The following ITSN1 variants were observed in gnomAD, a reference collection of about 807,000 sequenced individuals.
The protein encoded by ITSN1 is intersectin 1.
In ITSN1, 58 loss-of-function variants were observed where a neutral mutation model predicts 239.8. The ratio of observed to expected loss-of-function variants is 0.24; its 90% CI spans 0.20 to 0.30. ITSN1 has a LOEUF of 0.30. Among genes scored for constraint, ITSN1 ranks in the 10% least tolerant of loss-of-function variants. The pLI is 1.00. For missense variants in ITSN1, 1,558 were observed against 2,103.3 expected (o/e 0.74, Z 5.07); for synonymous variants, 780 against 770.8 (o/e 1.01, Z -0.20).
chr21:33,726,540 G>A (rs1273856667), intron 4 of ITSN1, among the ~76,000 whole-genome samples: 1 of 152,080 alleles, frequency 6.6e-6, no homozygotes, highest in African/African-American at 2.4e-5. Context: ...GTCTTACTCT[G>A]TCACCAAGAC....
chr21:33,886,473 C>T lies in ITSN1; in HGVS notation c.5017+13C>T, dbSNP rs375526628. 18 of 1,544,892 alleles carry T rather than the reference C, an allele frequency of 1.2e-5. No homozygotes were observed. The African/African-American group carries it at 1.5e-4, about 13-fold the overall frequency. ...TTCTCACCAGATGGTGAGTGGAACG[C>T]GGCCCTGTGGTTATTCCTCCTTCCC... On this transcript the variant is annotated intron_variant, in intron 39 of 39. Coordinates refer to ENST00000381318, the MANE Select transcript of ITSN1 (RefSeq NM_003024.3).
In ITSN1 at chr21:33,886,471, C is replaced by T. The variant is rs768629324; in HGVS notation, c.5017+11C>T. 2.0e-5 allele frequency: 31 copies of T among 1,546,102 alleles called. No individual in the cohort carries two copies. The highest frequency in any genetic ancestry group is 2.5e-5 in the Non-Finnish European group (29 of 1,144,716). The stretch of plus-strand genomic sequence containing the variant: ...AGTTCTCACCAGATGGTGAGTGGAA[C>T]GCGGCCCTGTGGTTATTCCTCCTTC... On this transcript the variant is annotated intron_variant, in intron 39 of 39. Coordinates refer to ENST00000381318, the MANE Select transcript of ITSN1 (RefSeq NM_003024.3).
At chr21:33,709,256 G>A (rs1210567764) in intron 1 of ITSN1, among the ~76,000 whole-genome samples, 3 of 152,234 alleles carry the variant, frequency 2.0e-5, no homozygotes, top group African/African-American at 4.8e-5. Flanking sequence ...CATGAACTTA[G>A]TATCTTAGTA....
intron 6 of ITSN1, among the ~76,000 whole-genome samples, chr21:33,751,101 A>G (rs893629450): frequency 6.6e-6 from 1 of 152,204 alleles, no homozygotes; most frequent in Non-Finnish European, 1.5e-5. Flanking sequence ...AGCTAAATGT[A>G]TCTCCTTTTT....
At chr21:33,859,858 C>G (rs1165752484) in intron 31 of ITSN1, among the ~76,000 whole-genome samples, 2 of 152,268 alleles carry the variant, frequency 1.3e-5, no homozygotes, top group East Asian at 3.9e-4. Context: ...TAGAGAAGGT[C>G]TGGACTCCGT....
chr21:33,753,654 CG>C (rs780894848), intron 7 of ITSN1, among the ~76,000 whole-genome samples: 14 of 149,188 alleles, frequency 9.4e-5, no homozygotes, highest in Non-Finnish European at 1.6e-4. Context: ...CCCAGCTACT[CG>C]GGAGGCTGAG....
chr21:33,765,869 G>C lies in ITSN1; in HGVS notation c.789-6G>C, dbSNP rs1247070186. ...ACCGGATTACAGTTAACTTTTTGTT[G>C]AATAGGAATCTTTCTGACATTGATC... On this transcript the variant is annotated splice_region_variant and splice_polypyrimidine_tract_variant and intron_variant, in intron 9 of 39. Coordinates refer to ENST00000381318, the MANE Select transcript of ITSN1 (RefSeq NM_003024.3). The C allele has an allele frequency of 6.2e-7, 1 of 1,613,834 alleles. No individual in the cohort carries two copies. Among genetic ancestry groups the C allele is most frequent in the Admixed American group, 1.7e-5 (1 of 60,008 alleles).
chr21:33,868,914 G>C (rs928692700), intron 33 of ITSN1, among the ~76,000 whole-genome samples: 2 of 152,064 alleles, frequency 1.3e-5, no homozygotes, highest in African/African-American at 4.8e-5. Flanking sequence ...GTGACCAAGT[G>C]GCTTCTACCT....
intron 12 of ITSN1, 36 bp downstream of exon 12, chr21:33,772,359 G>A: frequency 6.5e-7 from 1 of 1,547,368 alleles, no homozygotes; most frequent in Non-Finnish European, 8.7e-7. Flanking sequence ...CGGAGTTAGT[G>A]TGCGATCACC....
intron 18 of ITSN1, among the ~76,000 whole-genome samples, chr21:33,798,861 G>A (rs1362040690): frequency 6.6e-6 from 1 of 151,964 alleles, no homozygotes; most frequent in East Asian, 1.9e-4. Flanking sequence ...TCATAGGAGG[G>A]GCAAATTAAT....
intron 20 of ITSN1, among the ~76,000 whole-genome samples, chr21:33,807,616 A>G (rs1370636411): frequency 6.6e-6 from 1 of 152,146 alleles, no homozygotes; most frequent in East Asian, 1.9e-4. Flanking sequence ...GAGCCACTGC[A>G]CCTGGCCTAA....
In ITSN1 at chr21:33,834,437, G is replaced by C. The variant is rs576333802; in HGVS notation, c.3469+13G>C. ...GCATTAGCGGCAGGTAAGGAGTTTC[G>C]CATCTCTAACTGGAAGATGGTCTGC... On this transcript the variant is annotated intron_variant, in intron 28 of 39. Coordinates refer to ENST00000381318, the MANE Select transcript of ITSN1 (RefSeq NM_003024.3). 1.3e-6 allele frequency: 2 copies of C among 1,558,662 alleles called. No individual in the cohort carries two copies. The highest frequency in any genetic ancestry group is 2.7e-5 in the African/African-American group (2 of 73,780).
intron 1 of ITSN1, among the ~76,000 whole-genome samples, chr21:33,675,285 C>T (rs375476218): frequency 1.9e-4 from 29 of 151,972 alleles, no homozygotes; most frequent in Admixed American, 7.2e-4. Flanking sequence ...TGATATGGGC[C>T]GGGCACGGTG....
chr21:33,812,419 G>A lies in ITSN1; in HGVS notation c.2567+1197G>A, dbSNP rs11911098. ...ATTATTTTGATTTTCAGATTTGTTT[G>A]TATATCTTATAAGGATGTAAAAAGT... is the stretch of plus-strand genomic sequence containing the variant. On this transcript the variant is annotated intron_variant, in intron 21 of 39. Coordinates refer to ENST00000381318, the MANE Select transcript of ITSN1 (RefSeq NM_003024.3). 1.8e-3 allele frequency among the ~76,000 whole-genome samples: 270 copies of A among 152,290 alleles called. 1 individual carries two copies. Among genetic ancestry groups the A allele is most frequent in the African/African-American group, 5.6e-3 (231 of 41,562 alleles).
chr21:33,680,128 G>A (rs2090854859), intron 1 of ITSN1, among the ~76,000 whole-genome samples: 1 of 151,982 alleles, frequency 6.6e-6, no homozygotes, highest in Non-Finnish European at 1.5e-5. Context: ...TGTTTCTAAA[G>A]CAAATATCTT....
At chr21:33,792,685 G>A (rs1287213259) in intron 16 of ITSN1, among the ~76,000 whole-genome samples, 2 of 152,142 alleles carry the variant, frequency 1.3e-5, no homozygotes, top group Non-Finnish European at 2.9e-5. Flanking sequence ...ACTTTAAACA[G>A]TCAGTGTGAG....
chr21:33,693,682 A>G (rs575967581), intron 1 of ITSN1, among the ~76,000 whole-genome samples: 8 of 152,254 alleles, frequency 5.3e-5, no homozygotes, highest in African/African-American at 1.9e-4. Flanking sequence ...TTAGCCTGCA[A>G]TGCTGTTCCC....
chr21:33,765,799 C>G (rs1394353578), intron 9 of ITSN1, 76 bp from the exon 10 acceptor site: 1 of 1,522,968 alleles, frequency 6.6e-7, no homozygotes, highest in Non-Finnish European at 9.1e-7. Context: ...GAAAACATAA[C>G]TTTTAAATCA....
At position 33,826,853 on chromosome 21, in the gene ITSN1, A is replaced by G. The variant is rs1327533622; in HGVS notation, c.3219A>G (p.Gly1073=). ...CTGCTGGGAAAACAGGGAGTTTAGG[A>G]AAAAAACCTGGTAAGTTACAAACCC... is the stretch of plus-strand genomic sequence containing the variant. ...SGTAGKTGSL[G]KKPEIAQVIA... The change falls in exon 26 of 40, where the codon GGA becomes GGG. Residue 1073 remains glycine, a synonymous_variant. Coordinates refer to ENST00000381318, the MANE Select transcript of ITSN1 (RefSeq NM_003024.3). 5 of 1,613,062 alleles carry G rather than the reference A, an allele frequency of 3.1e-6. No individual in the cohort carries two copies. Among genetic ancestry groups the G allele is most frequent in the South Asian group, 2.2e-5 (2 of 91,050 alleles).
Sources: gnomAD v4.1 joint callset for allele counts (sites outside exome capture counted in the v4.1 genomes callset) on GRCh38, gnomAD v4.1.1 for gene constraint, MANE v1.5 for transcripts, NCBI Gene and HGNC (gene_info 2026-07-23, HGNC 2026-07-21) for gene names.